Variants in FHIP1A observed in about 807,000 individuals in gnomAD.
FHIP1A encodes FHF complex subunit HOOK-interacting protein 1A.
A neutral mutation model predicts 88.6 loss-of-function variants in FHIP1A; 61 were observed. The observed-to-expected ratio is 0.69, with a 90% CI of 0.56 to 0.85. The LOEUF (loss-of-function observed/expected upper bound fraction) is 0.85, where lower values mean the gene tolerates loss of function less well. FHIP1A is among the 40% of genes least tolerant of loss of function. FHIP1A has a pLI of 0.00. For missense variants in FHIP1A, 1,154 were observed against 1,273.5 expected, an observed-to-expected ratio of 0.91 and a Z score of 1.43; for synonymous variants, 478 against 496.0, an observed-to-expected ratio of 0.96 and a Z score of 0.48.
At chr4:151,519,433 T>C (rs1429251391) in intron 3 of FHIP1A, among the ~76,000 whole-genome samples, 3 of 152,198 alleles carry the variant, frequency 2.0e-5, no homozygotes, top group Non-Finnish European at 4.4e-5. Context: ...TTTTTATTGC[T>C]GAGTACTATT....
intron 13 of FHIP1A, among the ~76,000 whole-genome samples, chr4:151,661,404 A>G (rs1036424446): frequency 7.0e-6 from 1 of 143,558 alleles, no homozygotes; most frequent in African/African-American, 2.7e-5. Context: ...GTCAAGTGGA[A>G]GTTGTTTTTT....
At chr4:151,509,570 T>A (rs1464420373) in intron 3 of FHIP1A, among the ~76,000 whole-genome samples, 4 of 152,112 alleles carry the variant, frequency 2.6e-5, no homozygotes, top group Non-Finnish European at 5.9e-5. Context: ...GAGCTCATTT[T>A]TGTGTGAAAT....
chr4:151,460,113 G>T (rs996853378), intron 2 of FHIP1A, among the ~76,000 whole-genome samples: 1 of 152,080 alleles, frequency 6.6e-6, no homozygotes, highest in Admixed American at 6.6e-5. Flanking sequence ...TTTGATATTT[G>T]AGGATACATT....
intron 3 of FHIP1A, among the ~76,000 whole-genome samples, chr4:151,512,707 G>A (rs1181982671): frequency 6.6e-6 from 1 of 152,118 alleles, no homozygotes; most frequent in Non-Finnish European, 1.5e-5. Flanking sequence ...TATCAGTGAT[G>A]GAAGATGAAA....
intron 3 of FHIP1A, among the ~76,000 whole-genome samples, chr4:151,524,038 G>A (rs919724724): frequency 7.2e-5 from 11 of 152,148 alleles, no homozygotes; most frequent in Admixed American, 5.2e-4. Flanking sequence ...TTGGCCAGGC[G>A]TGGTGGCTCA....
At position 151,569,614 on chromosome 4, in the gene FHIP1A, A is replaced by G. The variant is rs78624131; in HGVS notation, c.105+3250A>G. ...TGTGGTATCCCAAGTTCTGTATGTT[A>G]GGAGACTTAAGTATAAATTCAACAT... On this transcript the variant is annotated intron_variant, in intron 4 of 13. Coordinates refer to ENST00000435205, the MANE Select transcript of FHIP1A (RefSeq NM_001109977.3). Among the ~76,000 whole-genome samples, 56 of 152,216 alleles carry G rather than the reference A, an allele frequency of 3.7e-4. No individual in the cohort carries two copies. In the East Asian group the frequency reaches 0.011, roughly 29 times the overall value.
At chr4:151,625,567 A>G (rs908662715) in intron 7 of FHIP1A, among the ~76,000 whole-genome samples, 1 of 152,054 alleles carries the variant, frequency 6.6e-6, no homozygotes, top group Non-Finnish European at 1.5e-5. Context: ...GCTCAATTTC[A>G]CTCATACGCC....
chr4:151,627,227 A>G (rs1410222886), intron 7 of FHIP1A, among the ~76,000 whole-genome samples: 1 of 152,194 alleles, frequency 6.6e-6, no homozygotes, highest in Non-Finnish European at 1.5e-5. Flanking sequence ...GCTTTCTTAA[A>G]TCCTCTTAGC....
chr4:151,476,882 GC>G (rs11314502), intron 2 of FHIP1A, among the ~76,000 whole-genome samples: 53,363 of 151,860 alleles, frequency 0.35, 9,966 homozygotes, highest in Non-Finnish European at 0.43. Flanking sequence ...GGGGAAAAAG[GC>G]CATTAGCATA....
chr4:151,409,677 G>GA (rs1732527017), intron 1 of FHIP1A, among the ~76,000 whole-genome samples: 1 of 152,116 alleles, frequency 6.6e-6, no homozygotes, highest in African/African-American at 2.4e-5. Flanking sequence ...CAGGGGGGAG[G>GA]AGGTGACTTC....
chr4:151,432,045 T>A (rs56365039), intron 1 of FHIP1A, among the ~76,000 whole-genome samples: 17 of 152,192 alleles, frequency 1.1e-4, no homozygotes, highest in African/African-American at 4.1e-4. Flanking sequence ...TTATGTGCCA[T>A]AAGAAATAAT....
At chr4:151,507,304 TG>T (rs1267216942) in intron 3 of FHIP1A, among the ~76,000 whole-genome samples, 1 of 152,134 alleles carries the variant, frequency 6.6e-6, no homozygotes, top group Admixed American at 6.6e-5. Context: ...TTAAATTTTT[TG>T]TAGTGATGGG....
intron 3 of FHIP1A, among the ~76,000 whole-genome samples, chr4:151,505,362 G>A (rs1260162454): frequency 1.3e-5 from 2 of 152,118 alleles, no homozygotes; most frequent in Admixed American, 6.5e-5. Flanking sequence ...CATGAAATAA[G>A]AAAGGAGTCC....
intron 1 of FHIP1A, among the ~76,000 whole-genome samples, chr4:151,428,462 C>A (rs1212990400): frequency 6.6e-6 from 1 of 152,072 alleles, no homozygotes; most frequent in African/African-American, 2.4e-5. Context: ...ATACTACCTT[C>A]TCTTCTGTGT....
chr4:151,658,096 AG>A (rs1191672424), intron 13 of FHIP1A, among the ~76,000 whole-genome samples: 1 of 152,148 alleles, frequency 6.6e-6, no homozygotes, highest in Non-Finnish European at 1.5e-5. Context: ...GCATTCATGG[AG>A]GGAAAGAAGC....
intron 3 of FHIP1A, among the ~76,000 whole-genome samples, chr4:151,492,522 G>T (rs1188462495): frequency 6.6e-6 from 1 of 151,330 alleles, no homozygotes; most frequent in Non-Finnish European, 1.5e-5. Flanking sequence ...AATCTGGGCG[G>T]CATAGGTTGC....
chr4:151,638,096 A>G (rs868483359), intron 8 of FHIP1A, among the ~76,000 whole-genome samples: 2 of 152,166 alleles, frequency 1.3e-5, no homozygotes, highest in East Asian at 1.9e-4. Context: ...CTTGTGTTTT[A>G]AAGAACTTTT....
In FHIP1A at chr4:151,662,500, G is replaced by T; in HGVS notation, c.2870-1G>T. 1 of 1,523,260 alleles carries T rather than the reference G, an allele frequency of 6.6e-7. No individual in the cohort carries two copies. The highest frequency in any genetic ancestry group is 8.8e-7 in the Non-Finnish European group (1 of 1,129,974). 94.4% of individuals were successfully genotyped at this position (1,523,260 alleles called of 1,614,324 possible). ...CATGATGGTTTTCTTTCTGCTTTCA[G>T]ATCCCATTCAGGAGGCTTCCAGGAC... On this transcript the variant is annotated splice_acceptor_variant, in intron 13 of 13. Coordinates refer to ENST00000435205, the MANE Select transcript of FHIP1A (RefSeq NM_001109977.3). LOFTEE classifies it high-confidence loss of function.
At chr4:151,539,413 A>C (rs1732189398) in intron 3 of FHIP1A, among the ~76,000 whole-genome samples, 1 of 151,944 alleles carries the variant, frequency 6.6e-6, no homozygotes, top group Non-Finnish European at 1.5e-5. Context: ...GAAAATAAAA[A>C]ATTAGCCGGG....
Sources: gnomAD v4.1 joint callset for allele counts (sites outside exome capture counted in the v4.1 genomes callset) on GRCh38, gnomAD v4.1.1 for gene constraint, MANE v1.5 for transcripts, NCBI Gene and HGNC (gene_info 2026-07-23, HGNC 2026-07-21) for gene names.